Variants in ANKRD30A observed in about 807,000 individuals in gnomAD.
ANKRD30A encodes ankyrin repeat domain-containing protein 30A.
ANKRD30A carries 170 observed loss-of-function variants against 166.3 expected under a neutral mutation model. The observed-to-expected ratio is 1.02, with a 90% confidence interval of 0.90 to 1.16. The LOEUF (loss-of-function observed/expected upper bound fraction) is 1.16, where lower values mean the gene tolerates loss of function less well. ANKRD30A is among the 50% of genes most tolerant of loss of function. The pLI is 0.00. For missense variants in ANKRD30A, 1,630 were observed against 1,518.0 expected (o/e 1.07, Z -1.23); for synonymous variants, 564 against 508.9 (o/e 1.11, Z -1.46).
intron 13 of ANKRD30A, 44 bp downstream of exon 13, chr10:37,153,706 C>A (rs1264554951): frequency 2.5e-6 from 4 of 1,605,644 alleles, no homozygotes; most frequent in South Asian, 1.1e-5. Flanking sequence ...CCGAATATTT[C>A]TCTAAACTGA....
At chr10:37,255,002 T>C in the ANKRD30A span, among the ~76,000 whole-genome samples, 1 of 152,168 alleles carries the variant, frequency 6.6e-6, no homozygotes, top group Non-Finnish European at 1.5e-5. Flanking sequence ...ATTTTCTTTG[T>C]TATGTCCTTT....
At chr10:37,179,306 G>A (rs17590743) in intron 24 of ANKRD30A, among the ~76,000 whole-genome samples, 78,630 of 146,938 alleles carry the variant, frequency 0.54, 23,815 homozygotes, top group African/African-American at 0.6. Context: ...TGATTTTAAC[G>A]TAGAAAATGT....
At chr10:37,161,641 G>A (rs953554494) in intron 15 of ANKRD30A, among the ~76,000 whole-genome samples, 10 of 152,014 alleles carry the variant, frequency 6.6e-5, no homozygotes, top group South Asian at 2.1e-4. Context: ...AGAGACTACC[G>A]GAAGCAGGAG....
the ANKRD30A span, among the ~76,000 whole-genome samples, chr10:37,239,360 TAAAG>T: frequency 6.6e-6 from 1 of 152,142 alleles, no homozygotes; most frequent in Non-Finnish European, 1.5e-5. Flanking sequence ...TGTGTTTATA[TAAAG>T]AAATATCAAT....
At chr10:37,254,854 T>G in the ANKRD30A span, among the ~76,000 whole-genome samples, 1 of 152,136 alleles carries the variant, frequency 6.6e-6, no homozygotes, top group East Asian at 1.9e-4. Flanking sequence ...AGCTAATTTT[T>G]TGTGTTTTTA....
Position 37,216,314 on chromosome 10 carries a change from G to A in ANKRD30A, c.3003G>A (p.Lys1001=). Reference sequence around the variant, plus strand: ...AAAAGAAGTTTTGTGTACTGAAAAAGAAACTGTCAGAAGCAAAAGAAATAA... The same window carrying A: ...AAAAGAAGTTTTGTGTACTGAAAAAAAAACTGTCAGAAGCAAAAGAAATAA... ...QMKKKFCVLK[K]KLSEAKEIKS... The change falls in exon 32 of 36, where the codon AAG becomes AAA. Residue 1001 remains lysine (K), a synonymous_variant. Transcript: ENST00000361713. The A allele has an allele frequency of 3.7e-6, 6 of 1,608,666 alleles. No individual in the cohort carries two copies. Among genetic ancestry groups the A allele is most frequent in the Non-Finnish European group, 5.1e-6 (6 of 1,176,520 alleles).
chr10:37,230,832 C>A (rs770592537), intron 34 of ANKRD30A, among the ~76,000 whole-genome samples: 16 of 152,000 alleles, frequency 1.1e-4, no homozygotes, highest in Non-Finnish European at 1.9e-4. Context: ...TTAAAAATAA[C>A]ACCTTGGTTA....
At chr10:37,165,496 T>C (rs1839252451) in intron 18 of ANKRD30A, among the ~76,000 whole-genome samples, 1 of 152,212 alleles carries the variant, frequency 6.6e-6, no homozygotes, top group Non-Finnish European at 1.5e-5. Context: ...TGATTCTGTC[T>C]TATATCTAGA....
chr10:37,192,877 G>C (rs71489132), intron 25 of ANKRD30A, among the ~76,000 whole-genome samples, 187 bp from the exon 26 acceptor site: 1 of 151,684 alleles, frequency 6.6e-6, no homozygotes, highest in Non-Finnish European at 1.5e-5. Flanking sequence ...TTTTCAAATT[G>C]TCTTAGGTAT....
chr10:37,143,924 T>C (rs951645945), intron 7 of ANKRD30A, among the ~76,000 whole-genome samples: 17 of 151,900 alleles, frequency 1.1e-4, no homozygotes, highest in Non-Finnish European at 1.9e-4. Flanking sequence ...TCTTTTTTTT[T>C]TTTTTTTGTC....
chr10:37,167,781 A>G (rs1276220918), intron 19 of ANKRD30A, among the ~76,000 whole-genome samples: 2 of 150,502 alleles, frequency 1.3e-5, no homozygotes, highest in Admixed American at 1.3e-4. Context: ...CTCTAAGTAT[A>G]TATCCAAGCT....
intron 6 of ANKRD30A, among the ~76,000 whole-genome samples, chr10:37,138,103 T>A (rs1836844498): frequency 6.6e-6 from 1 of 152,168 alleles, no homozygotes; most frequent in East Asian, 1.9e-4. Flanking sequence ...CCACTGCTGA[T>A]ACCCAGGCAA....
chr10:37,244,360 T>C, the ANKRD30A span, among the ~76,000 whole-genome samples: 1 of 152,144 alleles, frequency 6.6e-6, no homozygotes, highest in Non-Finnish European at 1.5e-5. Flanking sequence ...GTTAATCTCA[T>C]GTACAGAACT....
chr10:37,149,886 T>G, intron 11 of ANKRD30A, 37 bp downstream of exon 11: 1 of 1,609,418 alleles, frequency 6.2e-7, no homozygotes, highest in Non-Finnish European at 8.5e-7. Context: ...AGACGAATAT[T>G]TCAATATTGG....
chr10:37,253,831 T>C, the ANKRD30A span, among the ~76,000 whole-genome samples: 1 of 151,934 alleles, frequency 6.6e-6, no homozygotes, highest in African/African-American at 2.4e-5. Flanking sequence ...TTTGTATTTT[T>C]AGTAGAGACA....
rs1399240150 is a variant in ANKRD30A, at chr10:37,152,057, T to C, written c.1646-3T>C. ...GAATGTTTCTGTGATTAACCTTTTA[T>C]AGATCCGATGTTCCCACCAGAATCC... On this transcript the variant is annotated splice_polypyrimidine_tract_variant and splice_region_variant and intron_variant, in intron 11 of 35. Coordinates refer to ENST00000361713, the MANE Select transcript of ANKRD30A (RefSeq NM_052997.3). The C allele has an allele frequency of 1.2e-6, 2 of 1,606,750 alleles. No homozygotes were observed. Among genetic ancestry groups the C allele is most frequent in the East Asian group, 4.5e-5 (2 of 44,664 alleles).
rs1564582902 is a variant in ANKRD30A, at chr10:37,216,271, G to GA, written c.2965dup (p.Met989AsnfsTer31). The stretch of plus-strand genomic sequence containing the variant: ...AAAGATCACTGTGAACAACGTACAG[G>GA]AAAAATGGAACAAATGAAAAAGAAG... On this transcript the variant is annotated frameshift_variant, in exon 32 of 36. Transcript: ENST00000361713. LOFTEE classifies it high-confidence loss of function. 3.1e-6 allele frequency: 5 copies of GA among 1,608,126 alleles called. No individual in the cohort carries two copies. The highest frequency in any genetic ancestry group is 4.3e-6 in the Non-Finnish European group (5 of 1,176,094).
intron 17 of ANKRD30A, among the ~76,000 whole-genome samples, chr10:37,164,518 T>G (rs2486122): frequency 6.6e-6 from 1 of 152,138 alleles, no homozygotes; most frequent in Admixed American, 6.6e-5. Flanking sequence ...TGCAATAAAA[T>G]TTTTAAAGCT....
chr10:37,141,442 C>T (rs539870619), intron 6 of ANKRD30A, among the ~76,000 whole-genome samples: 10 of 151,548 alleles, frequency 6.6e-5, no homozygotes, highest in Non-Finnish European at 1.2e-4. Context: ...ATATGGCCCA[C>T]GTCTGTAATC....
Sources: allele counts gnomAD v4.1 joint callset (sites outside exome capture counted in the v4.1 genomes callset), GRCh38; gene constraint gnomAD v4.1.1; transcripts MANE v1.5; gene names NCBI Gene and HGNC (gene_info 2026-07-23, HGNC 2026-07-21).